Variants in NRG1 observed in about 807,000 individuals in gnomAD.
NRG1 encodes the protein pro-neuregulin-1, membrane-bound isoform.
NRG1 carries 18 observed loss-of-function variants against 63.8 expected under a neutral mutation model. That is an observed-to-expected ratio of 0.28 (90% CI 0.19 to 0.42). The LOEUF (loss-of-function observed/expected upper bound fraction) is 0.42. Among genes scored for constraint, NRG1 ranks in the 10% least tolerant of loss-of-function variants. The pLI is 1.00. For synonymous variants in NRG1, 302 were observed against 301.3 expected, an observed-to-expected ratio of 1.00 and a Z score of -0.02; for missense variants, 762 against 814.7, an observed-to-expected ratio of 0.94 and a Z score of 0.79.
chr8:31,803,442 T>C (rs186901903), intron 1 of NRG1, among the ~76,000 whole-genome samples: 43 of 152,344 alleles, frequency 2.8e-4, no homozygotes, highest in African/African-American at 1.0e-3. Flanking sequence ...AAGTTTATCC[T>C]AATTCAAGTA....
At chr8:32,069,420 G>A (rs1239159227) in intron 1 of NRG1, among the ~76,000 whole-genome samples, 1 of 152,172 alleles carries the variant, frequency 6.6e-6, no homozygotes, top group East Asian at 1.9e-4. Flanking sequence ...GTTTGTTTTG[G>A]TCATCTGCCT....
At chr8:31,984,158 G>GA (rs1278079213) in intron 1 of NRG1, among the ~76,000 whole-genome samples, 18 of 152,074 alleles carry the variant, frequency 1.2e-4, no homozygotes, top group African/African-American at 4.1e-4. Flanking sequence ...TTTCCAAAGG[G>GA]AAAAATTTTT....
intron 1 of NRG1, among the ~76,000 whole-genome samples, chr8:32,209,929 A>C (rs778192350): frequency 1.7e-4 from 26 of 152,162 alleles, no homozygotes; most frequent in African/African-American, 6.0e-4. Flanking sequence ...AAGGAAGTCA[A>C]CTGGGGTAAA....
At chr8:32,561,937 G>A (rs2439308) in intron 1 of NRG1, among the ~76,000 whole-genome samples, 145,572 of 152,142 alleles carry the variant, frequency 0.96, 69,959 homozygotes, top group East Asian at 1. Context: ...CTTTATTTGT[G>A]GGATTTGGCA....
chr8:32,768,793 T>G (rs1831606855), downstream of NRG1, among the ~76,000 whole-genome samples: 1 of 152,196 alleles, frequency 6.6e-6, no homozygotes, highest in Admixed American at 6.5e-5. Flanking sequence ...TCAGCAATCC[T>G]TTGGGGTGAA....
intron 1 of NRG1, among the ~76,000 whole-genome samples, chr8:32,593,470 A>G (rs1842843702): frequency 6.6e-6 from 1 of 151,572 alleles, no homozygotes; most frequent in African/African-American, 2.4e-5. Flanking sequence ...CTTGTCTAAC[A>G]TGGCGAAACT....
intron 1 of NRG1, among the ~76,000 whole-genome samples, chr8:32,495,782 A>T (rs1827139571): frequency 6.6e-6 from 1 of 151,952 alleles, no homozygotes; most frequent in Non-Finnish European, 1.5e-5. Context: ...TGTTTTTGTT[A>T]TTGTTTGTTT....
intron 1 of NRG1, among the ~76,000 whole-genome samples, chr8:31,851,729 G>C (rs1385278547): frequency 6.7e-6 from 1 of 149,710 alleles, no homozygotes; most frequent in Non-Finnish European, 1.5e-5. Flanking sequence ...TCTAGCATTA[G>C]GTATATCTCC....
chr8:32,039,764 AT>A (rs1819636581), intron 1 of NRG1, among the ~76,000 whole-genome samples: 1 of 152,154 alleles, frequency 6.6e-6, no homozygotes, highest in Non-Finnish European at 1.5e-5. Flanking sequence ...CATGCCTGTT[AT>A]TCCAGTGCTT....
downstream of NRG1, among the ~76,000 whole-genome samples, chr8:32,771,715 A>AAAAAAAAAAT (rs1343943621): frequency 6.2e-3 from 695 of 111,774 alleles, 8 homozygotes; most frequent in East Asian, 0.029. Flanking sequence ...TTAAAAAAAA[A>AAAAAAAAAAT]ATATATATAT....
intron 1 of NRG1, among the ~76,000 whole-genome samples, chr8:31,736,372 C>T (rs1248362898): frequency 6.6e-6 from 1 of 152,170 alleles, no homozygotes; most frequent in East Asian, 1.9e-4. Context: ...ATCCACTCTG[C>T]ACCTGGCAGT....
intron 1 of NRG1, among the ~76,000 whole-genome samples, chr8:32,151,904 T>C (rs1837540520): frequency 6.6e-6 from 1 of 152,042 alleles, no homozygotes; most frequent in Non-Finnish European, 1.5e-5. Context: ...ATATTTACAG[T>C]AAGGAAAGTG....
At chr8:31,797,385 A>G (rs1821327569) in intron 1 of NRG1, among the ~76,000 whole-genome samples, 1 of 152,174 alleles carries the variant, frequency 6.6e-6, no homozygotes, top group South Asian at 2.1e-4. Flanking sequence ...AGTTGTGAGA[A>G]TATGTGGTCT....
intron 5 of NRG1, among the ~76,000 whole-genome samples, chr8:32,713,728 AATATATAATAT>A (rs927605780): frequency 1.4e-5 from 2 of 146,338 alleles, no homozygotes; most frequent in African/African-American, 5.0e-5. Context: ...TTATGTTATA[AATATATAATAT>A]ATTTGTTATA....
chr8:32,174,974 C>T (rs998300462), intron 1 of NRG1, among the ~76,000 whole-genome samples: 3 of 152,228 alleles, frequency 2.0e-5, no homozygotes, highest in Non-Finnish European at 4.4e-5. Flanking sequence ...CTCCCTAACT[C>T]ATTTTATGAG....
At chr8:32,195,483 A>G (rs568392601) in intron 1 of NRG1, among the ~76,000 whole-genome samples, 2 of 152,138 alleles carry the variant, frequency 1.3e-5, no homozygotes, top group Middle Eastern at 3.4e-3. Flanking sequence ...AAATAGGTCA[A>G]CATCAAAGCT....
intron 5 of NRG1, among the ~76,000 whole-genome samples, chr8:32,708,220 A>C (rs991983212): frequency 6.6e-6 from 1 of 152,148 alleles, no homozygotes; most frequent in Admixed American, 6.6e-5. Flanking sequence ...ATTGAAAAAG[A>C]CCTCTGAAAC....
chr8:32,329,517 C>T (rs1802395144), intron 1 of NRG1, among the ~76,000 whole-genome samples: 1 of 152,028 alleles, frequency 6.6e-6, no homozygotes, highest in Non-Finnish European at 1.5e-5. Context: ...GGATAAAAGG[C>T]AGTTGATTGA....
At chr8:32,555,814 G>T (rs555702043) in intron 1 of NRG1, among the ~76,000 whole-genome samples, 2 of 152,206 alleles carry the variant, frequency 1.3e-5, no homozygotes, top group Non-Finnish European at 2.9e-5. Context: ...GTTATTTATG[G>T]TTTACCTGCT....
Sources: gnomAD v4.1 joint callset for allele counts (sites outside exome capture counted in the v4.1 genomes callset) on GRCh38, gnomAD v4.1.1 for gene constraint, MANE v1.5 for transcripts, NCBI Gene and HGNC (gene_info 2026-07-23, HGNC 2026-07-21) for gene names.